Variants in SLMAP observed in about 807,000 individuals in gnomAD.
The protein encoded by SLMAP is sarcolemmal membrane-associated protein.
A neutral mutation model predicts 128.8 loss-of-function variants in SLMAP; 44 were observed. The ratio of observed to expected loss-of-function variants is 0.34; its 90% CI spans 0.27 to 0.44. SLMAP has a LOEUF of 0.44. Ranked by LOEUF, SLMAP falls within the 20% of genes least tolerant of loss-of-function variation. The pLI is 1.00. For missense variants in SLMAP, 787 were observed against 985.3 expected (o/e 0.80, Z 2.69); for synonymous variants, 327 against 348.8 (o/e 0.94, Z 0.70).
In SLMAP at chr3:57,786,120, A is replaced by G. The variant is rs565548696; in HGVS notation, c.198+28271A>G. Among the ~76,000 whole-genome samples the G allele has an allele frequency of 2.2e-4, 33 of 152,384 alleles. No individual in the cohort carries two copies. In the East Asian group the frequency reaches 6.0e-3, roughly 28 times the overall value. On this transcript the variant is annotated intron_variant, in intron 2 of 24. Coordinates refer to ENST00000671191, the MANE Select transcript of SLMAP (RefSeq NM_001377540.1). The stretch of plus-strand genomic sequence containing the variant: ...CTGGTGTTAAATGATATTATAAAGG[A>G]GGATCATCCAATTCAGCATATCAGT...
intron 14 of SLMAP, among the ~76,000 whole-genome samples, chr3:57,885,569 A>C (rs2095859872): frequency 1.4e-5 from 2 of 146,830 alleles, no homozygotes; most frequent in South Asian, 2.1e-4. Flanking sequence ...ACAGGCACCC[A>C]CCACCACGAC....
intron 22 of SLMAP, chr3:57,917,811 C>T (rs2096842965): frequency 6.6e-6 from 1 of 152,142 alleles, no homozygotes; most frequent in Non-Finnish European, 1.5e-5. Flanking sequence ...CTGGCCAGCT[C>T]GGGGAATGGA....
intron 2 of SLMAP, among the ~76,000 whole-genome samples, chr3:57,797,222 C>T (rs1422084236): frequency 4.1e-5 from 6 of 147,480 alleles, no homozygotes; most frequent in African/African-American, 1.0e-4. Flanking sequence ...TGGTGGCTCA[C>T]GCCTGTAATC....
Position 57,922,977 on chromosome 3 carries a change from A to G in SLMAP, c.2399A>G (p.Lys800Arg). Residue 800 changes from lysine to arginine, a missense_variant, in exon 23 of 25, where the codon AAA (lysine) becomes AGA (arginine). This residue lies in a region of SLMAP where 715 missense variants were observed against 843.6 expected (regional missense o/e 0.85). Coordinates refer to ENST00000671191, the MANE Select transcript of SLMAP (RefSeq NM_001377540.1). ...AAGCAGTCAATCACAGATGAGCTCA[A>G]ACAGTGTAAAAACAACCTGAAGCTG... ...QEKQSITDELKQCKNNLKLLR... is the reference protein window; with the variant it reads ...QEKQSITDELRQCKNNLKLLR... The G allele has an allele frequency of 6.2e-7, 1 of 1,614,002 alleles. No homozygotes were observed. Among genetic ancestry groups the G allele is most frequent in the Non-Finnish European group, 8.5e-7 (1 of 1,179,936 alleles).
intron 19 of SLMAP, among the ~76,000 whole-genome samples, chr3:57,909,964 C>T (rs899290953): frequency 6.0e-5 from 9 of 150,468 alleles, no homozygotes; most frequent in Admixed American, 4.0e-4. Context: ...CCAGTACTCT[C>T]GTATTAGACA....
At chr3:57,910,272 C>A (rs2096662292) in intron 19 of SLMAP, among the ~76,000 whole-genome samples, 1 of 152,154 alleles carries the variant, frequency 6.6e-6, no homozygotes, top group African/African-American at 2.4e-5. Context: ...TCACTACAAC[C>A]TCCGTCTCCC....
chr3:57,859,367 C>CA (rs2094943492), intron 8 of SLMAP, among the ~76,000 whole-genome samples: 2 of 149,136 alleles, frequency 1.3e-5, no homozygotes, highest in South Asian at 4.2e-4. Context: ...CCAGTATGGG[C>CA]AACATGGCAA....
rs1457376036 is a variant in SLMAP at position 57,773,565 on chromosome 3, G to A, written c.198+15716G>A. On this transcript the variant is annotated intron_variant, in intron 2 of 24. Coordinates refer to ENST00000671191, the MANE Select transcript of SLMAP (RefSeq NM_001377540.1). ...AGGAAATCAAGGCATAAACTTTGGG[G>A]GCTAAGAATCTTGGAGTTGCAACTG... Among the ~76,000 whole-genome samples, 2 of 152,148 alleles carry A rather than the reference G, an allele frequency of 1.3e-5. 1 individual carries two copies. The highest frequency in any genetic ancestry group is 6.3e-3 in the Middle Eastern group (2 of 316).
At chr3:57,899,446 CTT>C (rs1424853870) in intron 17 of SLMAP, 2 of 152,176 alleles carry the variant, frequency 1.3e-5, no homozygotes, top group Non-Finnish European at 2.9e-5. Context: ...ACTTCTAAAA[CTT>C]TTCTTTACAT....
In SLMAP at chr3:57,913,158, G is replaced by C; in HGVS notation, c.2021G>C (p.Gly674Ala). The change falls in exon 21 of 25, where the codon GGT becomes GCT. Residue 674 changes from glycine (G) to alanine (A), a missense_variant and splice_region_variant. Coordinates refer to ENST00000671191, the MANE Select transcript of SLMAP (RefSeq NM_001377540.1). ...QQREEATRLQ[G>A]ELEKLRKEWN... ...CAAATATGTTTTGGGACTATTTTAG[G>C]TGAACTAGAGAAGTTGAGAAAGGAA... 1 of 1,403,912 alleles carries C rather than the reference G, an allele frequency of 7.1e-7. No homozygotes were observed. The highest frequency in any genetic ancestry group is 1.2e-5 in the South Asian group (1 of 82,654). The allele number at this position is 1,403,912 out of a possible 1,614,324, so 87.0% of individuals were successfully genotyped here. A position where few individuals can be genotyped will look rare whatever the true frequency, so the allele number is the denominator to read the frequency against.
At chr3:57,795,885 TG>T (rs2153482239) in intron 2 of SLMAP, among the ~76,000 whole-genome samples, 1 of 152,332 alleles carries the variant, frequency 6.6e-6, no homozygotes, top group South Asian at 2.1e-4. Context: ...TCTAGGACTT[TG>T]CCTATTCTAG....
At chr3:57,782,925 C>T (rs960429641) in intron 2 of SLMAP, among the ~76,000 whole-genome samples, 2 of 152,170 alleles carry the variant, frequency 1.3e-5, no homozygotes, top group Non-Finnish European at 2.9e-5. Context: ...CAAGAAGGCC[C>T]TCACTAGATG....
chr3:57,826,900 G>A (rs2092965473), intron 2 of SLMAP, among the ~76,000 whole-genome samples: 1 of 152,138 alleles, frequency 6.6e-6, no homozygotes, highest in Non-Finnish European at 1.5e-5. Flanking sequence ...ATTCCATGCA[G>A]GTCTTGTGGC....
At chr3:57,846,016 A>G (rs996361977) in intron 4 of SLMAP, among the ~76,000 whole-genome samples, 2 of 151,942 alleles carry the variant, frequency 1.3e-5, no homozygotes, top group Non-Finnish European at 2.9e-5. Context: ...TGATTTTTGT[A>G]TTATTAGTAG....
intron 2 of SLMAP, among the ~76,000 whole-genome samples, chr3:57,795,616 T>A (rs2086550711): frequency 6.6e-6 from 1 of 152,176 alleles, no homozygotes; most frequent in Non-Finnish European, 1.5e-5. Context: ...AGATAAATGA[T>A]TTGTAAGTAT....
intron 17 of SLMAP, 139 bp from the exon 18 acceptor site, chr3:57,907,745 A>G: frequency 1.6e-6 from 1 of 644,824 alleles, no homozygotes; most frequent in Non-Finnish European, 2.5e-6. Context: ...GCTTACTATA[A>G]TTTGCTTCTA....
At chr3:57,904,277 A>G (rs1398101786) in intron 17 of SLMAP, among the ~76,000 whole-genome samples, 4 of 152,188 alleles carry the variant, frequency 2.6e-5, no homozygotes, top group Non-Finnish European at 5.9e-5. Context: ...TACAAATCTT[A>G]GCCAGGCACA....
In SLMAP at chr3:57,860,829, C is replaced by T. The variant is rs551707302; in HGVS notation, c.818C>T (p.Ser273Leu). 1 of 1,584,278 alleles carries T rather than the reference C, an allele frequency of 6.3e-7. No individual in the cohort carries two copies. The highest frequency in any genetic ancestry group is 8.5e-7 in the Non-Finnish European group (1 of 1,171,918). Residue 273 changes from serine (S) to leucine (L), a missense_variant, in exon 9 of 25, where the codon TCA becomes TTA. Transcript: ENST00000671191. ...QEKIEVVRKLSEVERSLSNTE... is the reference protein window; with the variant it reads ...QEKIEVVRKLLEVERSLSNTE... The stretch of plus-strand genomic sequence containing the variant: ...AAAATTGAAGTGGTTAGAAAACTTT[C>T]AGAAGTTGAGGTATTTCAATCAAAA...
chr3:57,824,617 C>T (rs374228539), intron 2 of SLMAP, among the ~76,000 whole-genome samples: 20 of 152,006 alleles, frequency 1.3e-4, no homozygotes, highest in Non-Finnish European at 2.5e-4. Flanking sequence ...TATATCTGTC[C>T]GTATGCCGGT....
Sources: allele counts gnomAD v4.1 joint callset (sites outside exome capture counted in the v4.1 genomes callset), GRCh38; gene constraint gnomAD v4.1.1; regional missense constraint gnomAD v4.1.1; transcripts MANE v1.5; gene names NCBI Gene and HGNC (gene_info 2026-07-23, HGNC 2026-07-21).